Variants in FAM240A observed in about 807,000 individuals in gnomAD.
FAM240A encodes the protein protein FAM240A.
In FAM240A, 8 loss-of-function variants were observed where a neutral mutation model predicts 7.3. The ratio of observed to expected loss-of-function variants is 1.09; its 90% CI spans 0.64 to 1.97. FAM240A has a LOEUF of 1.97. Among genes scored for constraint, FAM240A ranks in the 30% most tolerant of loss-of-function variants. FAM240A has a pLI of 0.00. For synonymous variants in FAM240A, 32 were observed against 35.9 expected (o/e 0.89, Z 0.38); for missense variants, 90 against 102.2 (o/e 0.88, Z 0.52).
At chr3:46,617,440 C>A in intron 2 of FAM240A, 112 bp downstream of exon 2, 1 of 894,284 alleles carries the variant, frequency 1.1e-6, no homozygotes, top group Non-Finnish European at 1.6e-6. Flanking sequence ...ACTAAGAGTT[C>A]CCTGAGCCCC....
intron 2 of FAM240A, among the ~76,000 whole-genome samples, 187 bp from the exon 3 acceptor site, chr3:46,624,941 T>C (rs1367265675): frequency 7.2e-6 from 1 of 139,828 alleles, no homozygotes; most frequent in Non-Finnish European, 1.5e-5. Flanking sequence ...CTTACTTATA[T>C]AAATAAATAA....
In FAM240A at chr3:46,624,264, A is replaced by ATTTTT. The variant is rs59290700; in HGVS notation, c.162-843_162-839dup. Among the ~76,000 whole-genome samples, 912 of 96,446 alleles carry ATTTTT rather than the reference A, an allele frequency of 9.5e-3. 76 individuals are homozygous for ATTTTT. Among genetic ancestry groups the ATTTTT allele is most frequent in the African/African-American group, 0.029 (667 of 22,948 alleles). 63.3% of individuals were successfully genotyped at this position (96,446 alleles called of 152,430 possible). On this transcript the variant is annotated intron_variant, in intron 2 of 2. Coordinates refer to ENST00000640551, the MANE Select transcript of FAM240A (RefSeq NM_001195442.2). The stretch of plus-strand genomic sequence containing the variant: ...ATAGTTTTACTTTCAACGGTGGGCT[A>ATTTTT]TTTTTTTTTTTTTTTTTTTTTTTTT...
chr3:46,613,084 G>A (rs1275052911), intron 1 of FAM240A, among the ~76,000 whole-genome samples: 1 of 152,246 alleles, frequency 6.6e-6, no homozygotes, highest in Non-Finnish European at 1.5e-5. Context: ...AAAGACAGAA[G>A]AAGCTTTTTA....
At chr3:46,619,149 T>C (rs1697668868) in intron 2 of FAM240A, among the ~76,000 whole-genome samples, 1 of 151,964 alleles carries the variant, frequency 6.6e-6, no homozygotes, top group East Asian at 1.9e-4. Flanking sequence ...CAATCCAGGA[T>C]CTAATAGGGC....
At chr3:46,623,429 G>T (rs1222347550) in intron 2 of FAM240A, among the ~76,000 whole-genome samples, 1 of 152,168 alleles carries the variant, frequency 6.6e-6, no homozygotes, top group Non-Finnish European at 1.5e-5. Flanking sequence ...GGTTGATAGT[G>T]TTGTTCAAGT....
At chr3:46,622,488 G>C (rs1192969724) in intron 2 of FAM240A, among the ~76,000 whole-genome samples, 1 of 152,074 alleles carries the variant, frequency 6.6e-6, no homozygotes, top group African/African-American at 2.4e-5. Flanking sequence ...ATTGTCTTCT[G>C]TTTTATTTCT....
chr3:46,626,033 A>G lies in FAM240A; in HGVS notation c.*815A>G. The G allele has an allele frequency of 6.6e-6, 1 of 152,230 alleles. No homozygotes were observed. The highest frequency in any genetic ancestry group is 2.1e-4 in the South Asian group (1 of 4,828). The allele number at this position is 152,230 out of a possible 1,614,324, so 9.4% of individuals were successfully genotyped here. ...AGAAGCACCAGGGTTTGATGCTTCC[A>G]AGAGTGCAAACTGTAACTGGGCCTG... On this transcript the variant is annotated 3_prime_UTR_variant, in exon 3 of 3. Transcript: ENST00000640551.
At position 46,617,924 on chromosome 3, in the gene FAM240A, A is replaced by G. The variant is rs555014694; in HGVS notation, c.161+596A>G. Among the ~76,000 whole-genome samples, 18 of 152,348 alleles carry G rather than the reference A, an allele frequency of 1.2e-4. No individual in the cohort carries two copies. The South Asian group carries it at 2.5e-3, about 21-fold the overall frequency. ...TGGAGTACAGTGACTCCCGTGGGCA[A>G]ACGAGGGTCACCTTGCTGTGGAAGC... On this transcript the variant is annotated intron_variant, in intron 2 of 2. Transcript: ENST00000640551.
rs749851499 is a variant in FAM240A at position 46,625,182 on chromosome 3, TC to T, written c.218del (p.Pro73GlnfsTer18). 28 of 1,534,140 alleles carry T rather than the reference TC, an allele frequency of 1.8e-5. No homozygotes were observed. The highest frequency in any genetic ancestry group is 2.4e-5 in the Non-Finnish European group (27 of 1,145,902). ...AAACAAAGCTGAGGCTGCGGAACAA[TC>T]CAGAGGACACTGAAAAGAGGACAAA... ...LETKLRLRNN[P>X]EDTEKRTNVG is the part of the protein sequence containing the mutation. On this transcript the variant is annotated frameshift_variant, in exon 3 of 3. Coordinates refer to ENST00000640551, the MANE Select transcript of FAM240A (RefSeq NM_001195442.2). LOFTEE classifies it high-confidence loss of function.
intron 1 of FAM240A, among the ~76,000 whole-genome samples, chr3:46,613,894 G>A (rs1408720201): frequency 1.3e-5 from 2 of 152,114 alleles, no homozygotes; most frequent in African/African-American, 4.8e-5. Flanking sequence ...AGTGAAGAAG[G>A]ATGGGGTATT....
Position 46,612,707 on chromosome 3 carries a change from TA to T in FAM240A, c.15+11del. 6.5e-7 allele frequency: 1 copy of T among 1,533,782 alleles called. No individual in the cohort carries two copies. The highest frequency in any genetic ancestry group is 2.4e-5 in the East Asian group (1 of 40,912). On this transcript the variant is annotated intron_variant, in intron 1 of 2. Transcript: ENST00000640551. The stretch of plus-strand genomic sequence containing the variant: ...TCATGCGGTTGTTCTCTGTAAGTGT[TA>T]ATTAATTTGTTGATTTTGTGAAGTA...
In FAM240A at chr3:46,617,215, C is replaced by T. The variant is rs1697639818; in HGVS notation, c.48C>T (p.Val16=). 1 of 1,534,580 alleles carries T rather than the reference C, an allele frequency of 6.5e-7. No homozygotes were observed. Among genetic ancestry groups the T allele is most frequent in the Admixed American group, 2.0e-5 (1 of 50,788 alleles). Residue 16 remains valine (V), a synonymous_variant, in exon 2 of 3, where the codon GTC becomes GTT. Transcript: ENST00000640551. ...ACAATCAATACACCCGTCGGGAGGT[C>T]TTCTGCCGGAACACCTGCCATGATC... ...GMNNQYTRRE[V]FCRNTCHDLK...
chr3:46,620,484 T>C (rs1159209684), intron 2 of FAM240A, among the ~76,000 whole-genome samples: 1 of 136,494 alleles, frequency 7.3e-6, no homozygotes, highest in African/African-American at 2.8e-5. Context: ...ATATCACCCG[T>C]ACTGTAGTTT....
intron 2 of FAM240A, among the ~76,000 whole-genome samples, chr3:46,618,367 C>G (rs1239822073): frequency 6.6e-6 from 1 of 152,192 alleles, no homozygotes; most frequent in Non-Finnish European, 1.5e-5. Context: ...GTCCCCCAGG[C>G]TATGCCACTC....
At position 46,625,281 on chromosome 3, in the gene FAM240A, G is replaced by T; in HGVS notation, c.*63G>T. On this transcript the variant is annotated 3_prime_UTR_variant, in exon 3 of 3. Transcript: ENST00000640551. ...ACTGAGGTCACTTTGCTAGAAGTCA[G>T]TGCAAATTCCTGAGTCCCTTTGCTA... 3 of 1,290,768 alleles carry T rather than the reference G, an allele frequency of 2.3e-6. No homozygotes were observed. Among genetic ancestry groups the T allele is most frequent in the South Asian group, 2.6e-5 (2 of 77,046 alleles). 80.0% of individuals were successfully genotyped at this position (1,290,768 alleles called of 1,614,324 possible). A position where few individuals can be genotyped will look rare whatever the true frequency, so the allele number is the denominator to read the frequency against.
rs181727055 is a variant in FAM240A at position 46,612,541 on chromosome 3, G to A, written c.-143G>A. Reference sequence around the variant, plus strand: ...TGGGAAATCAAATTGCTGGCACAGCGTTAAGGCTTGCGAGGGACAAATGTT... The same window carrying A: ...TGGGAAATCAAATTGCTGGCACAGCATTAAGGCTTGCGAGGGACAAATGTT... On this transcript the variant is annotated 5_prime_UTR_variant, in exon 1 of 3. Coordinates refer to ENST00000640551, the MANE Select transcript of FAM240A (RefSeq NM_001195442.2). The A allele has an allele frequency of 2.3e-4, 154 of 682,034 alleles. No homozygotes were observed. In the East Asian group the frequency reaches 3.9e-3, roughly 17 times the overall value. The allele number at this position is 682,034 out of a possible 1,614,324, so 42.2% of individuals were successfully genotyped here. A position where few individuals can be genotyped will look rare whatever the true frequency, so the allele number is the denominator to read the frequency against.
chr3:46,623,185 A>T (rs1251261385), intron 2 of FAM240A, among the ~76,000 whole-genome samples: 1 of 151,892 alleles, frequency 6.6e-6, no homozygotes, highest in Non-Finnish European at 1.5e-5. Context: ...GTTATTTAGA[A>T]TTTGTTATTT....
chr3:46,624,966 TA>T (rs1349485870), intron 2 of FAM240A, among the ~76,000 whole-genome samples, 161 bp from the exon 3 acceptor site: 3 of 25,374 alleles, frequency 1.2e-4, no homozygotes, highest in African/African-American at 1.5e-4. Flanking sequence ...GAATAAATTA[TA>T]TATATATATA....
intron 2 of FAM240A, among the ~76,000 whole-genome samples, chr3:46,619,040 G>A (rs1697667085): frequency 1.3e-5 from 2 of 152,104 alleles, no homozygotes; most frequent in East Asian, 1.9e-4. Flanking sequence ...TTGACTCTGG[G>A]TAGCCAGGCT....
Sources: gnomAD v4.1 joint callset for allele counts (sites outside exome capture counted in the v4.1 genomes callset) on GRCh38, gnomAD v4.1.1 for gene constraint, MANE v1.5 for transcripts, NCBI Gene and HGNC (gene_info 2026-07-23, HGNC 2026-07-21) for gene names.